Variants in CYRIB observed in about 807,000 individuals in gnomAD.
CYRIB encodes CYFIP related Rac1 interactor B.
Under a neutral mutation model 44.2 loss-of-function variants are expected in CYRIB, and 8 were observed. The observed-to-expected ratio is 0.18, with a 90% CI of 0.11 to 0.33. The LOEUF (loss-of-function observed/expected upper bound fraction) is 0.33, where lower values mean the gene tolerates loss of function less well. Among genes scored for constraint, CYRIB ranks in the 10% least tolerant of loss-of-function variants. The pLI is 1.00. For synonymous variants in CYRIB, 131 were observed against 127.2 expected (o/e 1.03, Z -0.20); for missense variants, 185 against 382.8 (o/e 0.48, Z 4.31).
At chr8:129,890,320 C>A (rs1384070827) in intron 2 of CYRIB, 1 of 152,192 alleles carries the variant, frequency 6.6e-6, no homozygotes, top group African/African-American at 2.4e-5. Flanking sequence ...TGCACAGCCA[C>A]CCAACCTTCA....
At chr8:129,842,353 C>T in intron 11 of CYRIB, 148 bp from the exon 14 acceptor site, 1 of 618,298 alleles carries the variant, frequency 1.6e-6, no homozygotes, top group Non-Finnish European at 2.9e-6. Context: ...TGTTCAGGTT[C>T]TGCACAGCCT....
At chr8:129,874,518 TAAACCTACGC>T (rs2058474412) in intron 3 of CYRIB, among the ~76,000 whole-genome samples, 1 of 152,124 alleles carries the variant, frequency 6.6e-6, no homozygotes, top group African/African-American at 2.4e-5. Flanking sequence ...ATTCACTTAA[TAAACCTACGC>T]AATCTATCTC....
intron 2 of CYRIB, among the ~76,000 whole-genome samples, chr8:129,969,953 T>C (rs1055280971): frequency 3.3e-5 from 5 of 152,192 alleles, no homozygotes; most frequent in Admixed American, 2.0e-4. Context: ...TGAGCAAGTA[T>C]ATTTGGATAC....
intron 1 of CYRIB, among the ~76,000 whole-genome samples, chr8:129,914,808 C>T (rs1290309401): frequency 6.6e-6 from 1 of 152,158 alleles, no homozygotes; most frequent in African/African-American, 2.4e-5. Context: ...AGTATTTTTA[C>T]ATTCCACAGC....
intron 1 of CYRIB, among the ~76,000 whole-genome samples, chr8:129,926,143 C>A (rs2087588041): frequency 6.6e-6 from 1 of 152,162 alleles, no homozygotes; most frequent in Non-Finnish European, 1.5e-5. Context: ...CATTTTAGCA[C>A]CTTATTTCGT....
intron 1 of CYRIB, among the ~76,000 whole-genome samples, chr8:130,011,427 A>G (rs1372692177): frequency 6.6e-6 from 1 of 152,092 alleles, no homozygotes; most frequent in East Asian, 1.9e-4. Context: ...AGGCTGGGGC[A>G]GGAGAATCGC....
At chr8:129,868,525 A>G (rs901344557) in intron 4 of CYRIB, 1 of 151,970 alleles carries the variant, frequency 6.6e-6, no homozygotes, top group Non-Finnish European at 1.5e-5. Context: ...AAACTTGGAG[A>G]CACTTACTTA....
rs534285898 is a variant in CYRIB, at chr8:130,013,095, C to T, written c.-296+3275G>A. 5.9e-5 allele frequency among the ~76,000 whole-genome samples: 9 copies of T among 152,296 alleles called. No individual in the cohort carries two copies. In the South Asian group the frequency reaches 1.2e-3, roughly 21 times the overall value. On this transcript the variant is annotated intron_variant, in intron 1 of 14. Coordinates refer to the CYRIB transcript ENST00000401979. ...AGAGAGATGAATCTGGCCTTTGAGA[C>T]GCCTATACGCTTGCTGAGCAAACAG...
intron 11 of CYRIB, chr8:129,844,281 CTG>C (rs954016072): frequency 9.8e-5 from 15 of 152,360 alleles, no homozygotes; most frequent in Admixed American, 7.8e-4. Context: ...CTCGCTCCTT[CTG>C]TGGGATGTGA....
At chr8:129,945,808 G>A (rs1281606820) in intron 2 of CYRIB, among the ~76,000 whole-genome samples, 3 of 152,114 alleles carry the variant, frequency 2.0e-5, no homozygotes, top group African/African-American at 7.2e-5. Context: ...CCTGACCTCA[G>A]GTGGATCTGC....
At chr8:129,889,918 C>T (rs879928925) in intron 2 of CYRIB, among the ~76,000 whole-genome samples, 2 of 151,914 alleles carry the variant, frequency 1.3e-5, no homozygotes, top group African/African-American at 2.4e-5. Flanking sequence ...AGACTACAGG[C>T]ACAAGCCATC....
chr8:129,937,581 G>A (rs1351044328), intron 1 of CYRIB, among the ~76,000 whole-genome samples: 3 of 152,142 alleles, frequency 2.0e-5, no homozygotes, highest in Admixed American at 6.5e-5. Flanking sequence ...TAAGTTAAAC[G>A]TCAATCAAAA....
intron 1 of CYRIB, among the ~76,000 whole-genome samples, chr8:130,015,241 T>C (rs1314424157): frequency 6.6e-6 from 1 of 152,316 alleles, no homozygotes; most frequent in East Asian, 1.9e-4. Context: ...ACCCACTCGT[T>C]CATCTCACAA....
intron 1 of CYRIB, among the ~76,000 whole-genome samples, chr8:129,907,499 G>A (rs1443944904): frequency 1.3e-5 from 2 of 152,006 alleles, no homozygotes; most frequent in African/African-American, 4.8e-5. Flanking sequence ...TGTAAATGAC[G>A]AGTTAATGGG....
At chr8:129,881,695 A>G (rs1588446328) in intron 2 of CYRIB, among the ~76,000 whole-genome samples, 1 of 152,184 alleles carries the variant, frequency 6.6e-6, no homozygotes, top group East Asian at 1.9e-4. Context: ...TATTCCCCCA[A>G]TGGGGGAGGT....
chr8:129,905,998 A>G (rs1201438385), intron 1 of CYRIB, among the ~76,000 whole-genome samples: 1 of 152,186 alleles, frequency 6.6e-6, no homozygotes. Context: ...TAGGGGAAAA[A>G]TCAATATCGT....
chr8:129,933,521 G>A (rs1184468545), intron 1 of CYRIB, among the ~76,000 whole-genome samples: 1 of 152,154 alleles, frequency 6.6e-6, no homozygotes, highest in African/African-American at 2.4e-5. Context: ...TGTGACTTAT[G>A]GGTGGGATGT....
At chr8:130,011,710 G>A (rs1564840380) in intron 1 of CYRIB, among the ~76,000 whole-genome samples, 1 of 152,002 alleles carries the variant, frequency 6.6e-6, no homozygotes, top group East Asian at 1.9e-4. Flanking sequence ...GCGGGTGCCT[G>A]TAGTCCCAGC....
intron 2 of CYRIB, among the ~76,000 whole-genome samples, chr8:129,960,761 C>T (rs568653481): frequency 1.9e-4 from 28 of 150,882 alleles, no homozygotes; most frequent in South Asian, 8.4e-4. Context: ...ACCAGCCTGA[C>T]CAACATGGTG....
Sources: gnomAD v4.1 joint callset for allele counts (sites outside exome capture counted in the v4.1 genomes callset) on GRCh38, gnomAD v4.1.1 for gene constraint, MANE v1.5 for transcripts, NCBI Gene and HGNC (gene_info 2026-07-23, HGNC 2026-07-21) for gene names.